The following SMCHD1 variants were observed in gnomAD, a reference collection of about 807,000 sequenced individuals.
SMCHD1 encodes structural maintenance of chromosomes flexible hinge domain containing 1, also known as structural maintenance of chromosomes flexible hinge domain-containing protein 1.
In SMCHD1, 78 loss-of-function variants were observed where a neutral mutation model predicts 254.7. The observed-to-expected ratio is 0.31, with a 90% CI of 0.26 to 0.37. The LOEUF (loss-of-function observed/expected upper bound fraction) is 0.37, where lower values mean the gene tolerates loss of function less well. Among genes scored for constraint, SMCHD1 ranks in the 10% least tolerant of loss-of-function variants. The probability of loss-of-function intolerance (pLI) is 1.00; values close to 1 mark genes in which losing one functional copy is unlikely to be tolerated. For synonymous variants in SMCHD1, 766 were observed against 794.9 expected (o/e 0.96, Z 0.61); for missense variants, 1,840 against 2,408.1 (o/e 0.76, Z 4.94).
At chr18:2,703,989 CTTT>C in intron 13 of SMCHD1, 103 bp downstream of exon 13, 2 of 928,244 alleles carry the variant, frequency 2.2e-6, no homozygotes, top group Non-Finnish European at 3.0e-6. Flanking sequence ...TTAAAAATTT[CTTT>C]TTTTCCCATT....
intron 1 of SMCHD1, among the ~76,000 whole-genome samples, chr18:2,660,122 G>C (rs1281160088): frequency 6.6e-6 from 1 of 152,104 alleles, no homozygotes; most frequent in Non-Finnish European, 1.5e-5. Context: ...TCAGGAGTTA[G>C]AGATCAGCTT....
At chr18:2,756,207 C>T (rs1461343773) in intron 34 of SMCHD1, among the ~76,000 whole-genome samples, 1 of 152,292 alleles carries the variant, frequency 6.6e-6, no homozygotes, top group Middle Eastern at 3.4e-3. Flanking sequence ...CTTGCAATTA[C>T]TGGAATAAAC....
intron 37 of SMCHD1, 80 bp from the exon 38 acceptor site, chr18:2,769,614 T>C: frequency 6.9e-7 from 1 of 1,442,088 alleles, no homozygotes; most frequent in Non-Finnish European, 9.4e-7. Flanking sequence ...GAAAACAGCA[T>C]AATGAGTTAT....
At chr18:2,682,816 C>T (rs545557874) in intron 5 of SMCHD1, among the ~76,000 whole-genome samples, 20 of 152,258 alleles carry the variant, frequency 1.3e-4, no homozygotes, top group African/African-American at 4.8e-4. Context: ...TGGTGTAAAA[C>T]TGTTCCTTGA....
chr18:2,793,098 G>A (rs1457181493), intron 45 of SMCHD1, among the ~76,000 whole-genome samples: 1 of 152,166 alleles, frequency 6.6e-6, no homozygotes, highest in Non-Finnish European at 1.5e-5. Flanking sequence ...CACAAAGTTT[G>A]AAGAGCACTA....
intron 16 of SMCHD1, 57 bp from the exon 17 acceptor site, chr18:2,707,750 G>A: frequency 6.7e-7 from 1 of 1,499,694 alleles, no homozygotes; most frequent in Non-Finnish European, 9.2e-7. Flanking sequence ...GGGAAGATTT[G>A]GCAGATTCAG....
At chr18:2,659,810 A>G (rs984813970) in intron 1 of SMCHD1, among the ~76,000 whole-genome samples, 1 of 151,466 alleles carries the variant, frequency 6.6e-6, no homozygotes, top group African/African-American at 2.4e-5. Context: ...AGCAAGTGCC[A>G]TAGTAAGGTA....
Position 2,772,271 on chromosome 18 carries a change from C to A in SMCHD1, c.5074C>A (p.Leu1692Met). ...TQQVPHIEAL[L>M]KRKLSEQEEL... is the part of the protein sequence containing the mutation. ...ATAGGTGCCACACATTGAAGCACTT[C>A]TGAAAAGAAAGCTATCAGAACAAGA... Residue 1692 changes from leucine to methionine, a missense_variant, in exon 41 of 48, where the codon CTG (leucine) becomes ATG (methionine). Physicochemically the swap from Leu to Met is conservative, Grantham distance 15. Transcript: ENST00000320876. 6.2e-7 allele frequency: 1 copy of A among 1,600,414 alleles called. No individual in the cohort carries two copies. The highest frequency in any genetic ancestry group is 1.1e-5 in the South Asian group (1 of 88,464).
At chr18:2,667,528 T>A (rs1446621288) in intron 3 of SMCHD1, among the ~76,000 whole-genome samples, 1 of 152,246 alleles carries the variant, frequency 6.6e-6, no homozygotes, top group African/African-American at 2.4e-5. Context: ...GTTTACTGAA[T>A]CCTCTCTTTC....
intron 17 of SMCHD1, among the ~76,000 whole-genome samples, chr18:2,716,072 T>C (rs2074793252): frequency 6.6e-6 from 1 of 152,202 alleles, no homozygotes; most frequent in East Asian, 1.9e-4. Context: ...ACTTATTTTT[T>C]CCTTGATGAT....
At chr18:2,763,891 A>G (rs1327945370) in intron 37 of SMCHD1, 102 bp downstream of exon 37, 1 of 1,062,702 alleles carries the variant, frequency 9.4e-7, no homozygotes, top group African/African-American at 1.7e-5. Context: ...AAGATGTTCT[A>G]ATCATAGCAC....
intron 34 of SMCHD1, among the ~76,000 whole-genome samples, chr18:2,758,045 C>A (rs1360418943): frequency 3.9e-5 from 6 of 151,924 alleles, no homozygotes; most frequent in African/African-American, 1.5e-4. Context: ...TTAGTGTTTG[C>A]ATATATAGAT....
intron 37 of SMCHD1, among the ~76,000 whole-genome samples, chr18:2,766,423 A>G (rs1324097033): frequency 6.6e-6 from 1 of 152,236 alleles, no homozygotes; most frequent in Non-Finnish European, 1.5e-5. Flanking sequence ...CACATCATGC[A>G]TGTAAATTGT....
At chr18:2,798,423 A>G (rs1342372137) in intron 47 of SMCHD1, among the ~76,000 whole-genome samples, 2 of 152,198 alleles carry the variant, frequency 1.3e-5, no homozygotes, top group African/African-American at 4.8e-5. Flanking sequence ...ACTTTTAGAA[A>G]TTATGAGTTC....
intron 44 of SMCHD1, among the ~76,000 whole-genome samples, chr18:2,783,601 A>T (rs1399291564): frequency 6.6e-6 from 1 of 150,902 alleles, no homozygotes; most frequent in Non-Finnish European, 1.5e-5. Flanking sequence ...TCTGAGACAG[A>T]GTCTCCTGTT....
intron 21 of SMCHD1, among the ~76,000 whole-genome samples, chr18:2,726,122 A>G (rs906964247): frequency 1.3e-5 from 2 of 151,962 alleles, no homozygotes; most frequent in South Asian, 2.1e-4. Context: ...TATAATATCT[A>G]TCTTGATTAT....
intron 33 of SMCHD1, 110 bp downstream of exon 33, chr18:2,751,503 A>C: frequency 3.2e-6 from 2 of 634,052 alleles, no homozygotes; most frequent in South Asian, 4.0e-5. Context: ...GAGAAATGGA[A>C]GTGAATTTAC....
chr18:2,743,615 A>G (rs1245105023), intron 28 of SMCHD1, 146 bp from the exon 29 acceptor site: 4 of 469,230 alleles, frequency 8.5e-6, no homozygotes, highest in African/African-American at 3.9e-5. Flanking sequence ...ATGGCATGCC[A>G]TTATTGCATG....
intron 25 of SMCHD1, among the ~76,000 whole-genome samples, chr18:2,737,976 T>TGAA (rs1382172856): frequency 6.6e-6 from 1 of 152,206 alleles, no homozygotes; most frequent in African/African-American, 2.4e-5. Context: ...TCAAACTTCT[T>TGAA]TTTTCTCACC....
Sources: allele counts gnomAD v4.1 joint callset (sites outside exome capture counted in the v4.1 genomes callset), GRCh38; gene constraint gnomAD v4.1.1; transcripts MANE v1.5; gene names NCBI Gene and HGNC (gene_info 2026-07-23, HGNC 2026-07-21).